PDE3A: variants seen among roughly 807,000 people sequenced by gnomAD.
The protein encoded by PDE3A is phosphodiesterase 3A.
A neutral mutation model predicts 98.3 loss-of-function variants in PDE3A; 43 were observed. That is an observed-to-expected ratio of 0.44 (90% CI 0.34 to 0.56). The LOEUF is 0.56. Among genes scored for constraint, PDE3A ranks in the 20% least tolerant of loss-of-function variants. The probability of loss-of-function intolerance (pLI) is 0.01; values close to 1 mark genes in which losing one functional copy is unlikely to be tolerated. For missense variants in PDE3A, 1,427 were observed against 1,440.7 expected (o/e 0.99, Z 0.15); for synonymous variants, 663 against 567.9 (o/e 1.17, Z -2.38).
chr12:20,403,992 T>C (rs1434810050), intron 1 of PDE3A, among the ~76,000 whole-genome samples: 1 of 152,106 alleles, frequency 6.6e-6, no homozygotes, highest in Non-Finnish European at 1.5e-5. Flanking sequence ...AATGAATTAT[T>C]TTCTTTCAAA....
intron 1 of PDE3A, among the ~76,000 whole-genome samples, chr12:20,456,086 G>A (rs1213056306): frequency 3.3e-5 from 5 of 152,072 alleles, no homozygotes; most frequent in Non-Finnish European, 2.9e-5. Context: ...TATCCAGGAC[G>A]TCGCGACAAC....
intron 2 of PDE3A, among the ~76,000 whole-genome samples, chr12:20,559,065 A>G (rs1942445231): frequency 6.6e-6 from 1 of 152,212 alleles, no homozygotes; most frequent in Non-Finnish European, 1.5e-5. Context: ...TAGACGCAAC[A>G]TTACATACAG....
At chr12:20,504,129 C>T (rs2121092765) in intron 1 of PDE3A, among the ~76,000 whole-genome samples, 1 of 152,154 alleles carries the variant, frequency 6.6e-6, no homozygotes, top group East Asian at 1.9e-4. Context: ...ATAGTTTTCT[C>T]ATTTGTACAG....
rs1944787686 is a variant in PDE3A, at chr12:20,646,841, G to T, written c.2456G>T (p.Gly819Val). ...GATGATAAATACGGATGTCTGTCTG[G>T]GAATATCCCTGCCTTGGAGTTGATG... The part of the protein sequence containing the change: ...VTDDKYGCLS[G>V]NIPALELMAL... The change falls in exon 12 of 16, where the codon GGG (glycine) becomes GTG (valine). Residue 819 changes from glycine (G) to valine (V), a missense_variant. By Grantham distance (109) the Gly-to-Val change is moderately radical (BLOSUM62 -3). Around this residue, in one of 3 missense-constraint regions of PDE3A, gnomAD observed 273 missense variants for 420.3 expected, o/e 0.65. Coordinates refer to ENST00000359062, the MANE Select transcript of PDE3A (RefSeq NM_000921.5). 2 of 1,612,318 alleles carry T rather than the reference G, an allele frequency of 1.2e-6. No homozygotes were observed. Among genetic ancestry groups the T allele is most frequent in the African/African-American group, 2.7e-5 (2 of 74,816 alleles).
chr12:20,456,301 G>A (rs957329237), intron 1 of PDE3A, among the ~76,000 whole-genome samples: 6 of 152,100 alleles, frequency 3.9e-5, no homozygotes, highest in Non-Finnish European at 5.9e-5. Context: ...GCTGAATTTT[G>A]TAATATGTTC....
At chr12:20,562,591 A>C (rs1942556131) in intron 2 of PDE3A, among the ~76,000 whole-genome samples, 1 of 151,930 alleles carries the variant, frequency 6.6e-6, no homozygotes, top group Admixed American at 6.6e-5. Flanking sequence ...TTTACTTATC[A>C]CTTAGTGGAG....
intron 1 of PDE3A, among the ~76,000 whole-genome samples, chr12:20,400,589 T>C (rs1002978667): frequency 2.0e-5 from 3 of 151,746 alleles, no homozygotes; most frequent in African/African-American, 7.3e-5. Flanking sequence ...CGGCTAAGTT[T>C]TTGTATTTTT....
At chr12:20,669,070 G>A (rs565987046) in intron 15 of PDE3A, among the ~76,000 whole-genome samples, 9 of 151,958 alleles carry the variant, frequency 5.9e-5, no homozygotes, top group Admixed American at 1.3e-4. Flanking sequence ...CTCAGGAGCC[G>A]ATGTGATCAA....
At chr12:20,456,974 T>C (rs1945163092) in intron 1 of PDE3A, among the ~76,000 whole-genome samples, 1 of 152,156 alleles carries the variant, frequency 6.6e-6, no homozygotes, top group African/African-American at 2.4e-5. Context: ...GGTTGAGTTA[T>C]ACCAAAGCCT....
At position 20,410,469 on chromosome 12, in the gene PDE3A, C is replaced by T. The variant is rs114358043; in HGVS notation, c.960+40225C>T. 8.7e-3 allele frequency among the ~76,000 whole-genome samples: 1,327 copies of T among 152,270 alleles called. 14 individuals are homozygous for T. The highest frequency in any genetic ancestry group is 0.03 in the African/African-American group (1,256 of 41,558). ...AGAGGAAGAGGGATCTCAGTTACTT[C>T]AGGACTTTCATGATTCTTACTCTAC... On this transcript the variant is annotated intron_variant, in intron 1 of 15. Coordinates refer to ENST00000359062, the MANE Select transcript of PDE3A (RefSeq NM_000921.5).
intron 1 of PDE3A, among the ~76,000 whole-genome samples, chr12:20,443,616 G>A (rs181378128): frequency 1.4e-4 from 22 of 152,204 alleles, no homozygotes; most frequent in Admixed American, 3.9e-4. Flanking sequence ...CATTAAATAT[G>A]TCTGTATAGG....
intron 8 of PDE3A, among the ~76,000 whole-genome samples, chr12:20,636,869 G>A (rs1310189537): frequency 6.6e-6 from 1 of 152,180 alleles, no homozygotes; most frequent in Non-Finnish European, 1.5e-5. Flanking sequence ...TGATAGGCAA[G>A]CACCTAATAG....
chr12:20,487,606 T>C (rs1227232102), intron 1 of PDE3A, among the ~76,000 whole-genome samples: 3 of 150,752 alleles, frequency 2.0e-5, no homozygotes, highest in Admixed American at 2.0e-4. Flanking sequence ...CGAGCCAAGA[T>C]TGCGCCACTG....
rs993060246 is a variant in PDE3A, at chr12:20,672,167, A to G, written c.3185-7863A>G. Among the ~76,000 whole-genome samples, 67 of 149,544 alleles carry G rather than the reference A, an allele frequency of 4.5e-4. No homozygotes were observed. The Middle Eastern group carries it at 0.021, about 46-fold the overall frequency. Reference sequence around the variant, plus strand: ...GATGTGAAGGACCTCTTCAAGGAGAACTACAAACCACTGCTCAAGGAAATA... The same window carrying G: ...GATGTGAAGGACCTCTTCAAGGAGAGCTACAAACCACTGCTCAAGGAAATA... On this transcript the variant is annotated intron_variant, in intron 15 of 15. Coordinates refer to ENST00000359062, the MANE Select transcript of PDE3A (RefSeq NM_000921.5).
At chr12:20,576,572 A>G (rs941157398) in intron 2 of PDE3A, among the ~76,000 whole-genome samples, 1 of 152,128 alleles carries the variant, frequency 6.6e-6, no homozygotes, top group African/African-American at 2.4e-5. Context: ...GTCTTACATG[A>G]TGTGAAAGGA....
intron 1 of PDE3A, among the ~76,000 whole-genome samples, chr12:20,390,209 AGG>A (rs1565534049): frequency 6.6e-6 from 1 of 151,818 alleles, no homozygotes; most frequent in African/African-American, 2.4e-5. Context: ...CGGTGTGGAG[AGG>A]GGAGCAGGAT....
intron 4 of PDE3A, 83 bp downstream of exon 4, chr12:20,616,467 G>C (rs777061300): frequency 2.2e-6 from 3 of 1,342,148 alleles, no homozygotes; most frequent in East Asian, 4.8e-5. Flanking sequence ...GAGAAGGAAG[G>C]CTAACCAATT....
Position 20,639,890 on chromosome 12 carries a change from T to C in PDE3A, c.2184T>C (p.Phe728=). ...AAGACATGGGCCTCTTTGAAGCTTTTAAAATTCCAATTAGGGAATTTATGA... is the reference window on the plus strand; with the variant it reads ...AAGACATGGGCCTCTTTGAAGCTTTCAAAATTCCAATTAGGGAATTTATGA... The part of the protein sequence containing the change: ...LFEDMGLFEA[F]KIPIREFMNY... The change falls in exon 10 of 16, where the codon TTT becomes TTC. Residue 728 remains phenylalanine, a synonymous_variant. Transcript: ENST00000359062. The C allele has an allele frequency of 1.3e-6, 2 of 1,587,316 alleles. No homozygotes were observed. The highest frequency in any genetic ancestry group is 3.3e-5 in the Admixed American group (2 of 59,952).
intron 1 of PDE3A, among the ~76,000 whole-genome samples, chr12:20,550,598 T>C (rs4627131): frequency 0.3 from 45,973 of 151,946 alleles, 8,082 homozygotes; most frequent in East Asian, 0.55. Flanking sequence ...TAAAGAAATA[T>C]CTACTATGTA....
Sources: gnomAD v4.1 joint callset for allele counts (sites outside exome capture counted in the v4.1 genomes callset) on GRCh38, gnomAD v4.1.1 for gene constraint, gnomAD v4.1.1 regional missense constraint, MANE v1.5 for transcripts, NCBI Gene and HGNC (gene_info 2026-07-23, HGNC 2026-07-21) for gene names.